COL5A2: variants seen among roughly 807,000 people sequenced by gnomAD.
COL5A2 encodes the protein collagen alpha-2(V) chain.
A neutral mutation model predicts 208.2 loss-of-function variants in COL5A2; 23 were observed. The observed-to-expected ratio is 0.11, with a 90% CI of 0.08 to 0.16. COL5A2 has a LOEUF of 0.16. Among genes scored for constraint, COL5A2 ranks in the 10% least tolerant of loss-of-function variants. The probability of loss-of-function intolerance (pLI) is 1.00; values close to 1 mark genes in which losing one functional copy is unlikely to be tolerated. For missense variants in COL5A2, 1,590 were observed against 1,956.4 expected (o/e 0.81, Z 3.53); for synonymous variants, 625 against 628.5 (o/e 0.99, Z 0.08).
chr2:189,107,808 A>G (rs565365802), intron 2 of COL5A2, among the ~76,000 whole-genome samples: 4 of 151,832 alleles, frequency 2.6e-5, no homozygotes, highest in Admixed American at 2.6e-4. Flanking sequence ...TTATGTTAAC[A>G]TTCTTTTACA....
chr2:189,053,463 T>C lies in COL5A2; in HGVS notation c.2514A>G (p.Glu838=), dbSNP rs1685834564. 1 of 1,613,768 alleles carries C rather than the reference T, an allele frequency of 6.2e-7. No homozygotes were observed. The highest frequency in any genetic ancestry group is 8.5e-7 in the Non-Finnish European group (1 of 1,179,830). ...AACCAACAGCTCCAGTTGGCCCATTTTCACCTCGAGAACCCTAGGAGGAGA... is the reference window on the plus strand; with the variant it reads ...AACCAACAGCTCCAGTTGGCCCATTCTCACCTCGAGAACCCTAGGAGGAGA... ...GSRGNPGSRG[E]NGPTGAVGFA... Residue 838 remains glutamate, a synonymous_variant, in exon 38 of 54, where the codon GAA becomes GAG. Coordinates refer to ENST00000374866, the MANE Select transcript of COL5A2 (RefSeq NM_000393.5).
chr2:189,045,702 A>C, intron 46 of COL5A2, 98 bp downstream of exon 46: 1 of 915,956 alleles, frequency 1.1e-6, no homozygotes, highest in Non-Finnish European at 1.8e-6. Context: ...TCCTTAACGA[A>C]GTGCACATGT....
intron 1 of COL5A2, among the ~76,000 whole-genome samples, chr2:189,195,476 T>C (rs1688988864): frequency 6.6e-6 from 1 of 152,112 alleles, no homozygotes; most frequent in Non-Finnish European, 1.5e-5. Context: ...TTAAACTTCA[T>C]ATGGAACCAA....
At chr2:189,337,182 T>C in the COL5A2 span, among the ~76,000 whole-genome samples, 2 of 150,394 alleles carry the variant, frequency 1.3e-5, no homozygotes, top group Admixed American at 1.3e-4. Flanking sequence ...ATCATTTTTT[T>C]TTTTCTTTTT....
chr2:189,248,839 T>C, the COL5A2 span, among the ~76,000 whole-genome samples: 6 of 152,166 alleles, frequency 3.9e-5, no homozygotes, highest in Middle Eastern at 3.4e-3. Context: ...CCATTTTGCA[T>C]ATGTTCATTT....
chr2:189,110,103 A>G, intron 2 of COL5A2, 122 bp downstream of exon 2: 1 of 784,552 alleles, frequency 1.3e-6, no homozygotes, highest in South Asian at 1.4e-5. Flanking sequence ...CATTAACCCC[A>G]AAAGCCACCA....
intron 6 of COL5A2, among the ~76,000 whole-genome samples, chr2:189,092,811 A>T (rs1304797972): frequency 6.6e-6 from 1 of 152,202 alleles, no homozygotes; most frequent in Admixed American, 6.5e-5. Context: ...GTGGATTGTC[A>T]TTGGATTACA....
chr2:189,058,234 G>C (rs893712826), intron 33 of COL5A2, among the ~76,000 whole-genome samples, 195 bp downstream of exon 33: 1 of 152,142 alleles, frequency 6.6e-6, no homozygotes, highest in Non-Finnish European at 1.5e-5. Context: ...TCAAAGAAGA[G>C]AGTCTTCTTT....
At chr2:189,203,503 A>G (rs964670320) in intron 1 of COL5A2, among the ~76,000 whole-genome samples, 3 of 152,244 alleles carry the variant, frequency 2.0e-5, no homozygotes, top group African/African-American at 7.2e-5. Flanking sequence ...CGGCAAGTTT[A>G]CAGAACAAAG....
At chr2:189,200,796 A>G (rs2105856606) in intron 1 of COL5A2, among the ~76,000 whole-genome samples, 1 of 151,978 alleles carries the variant, frequency 6.6e-6, no homozygotes, top group Middle Eastern at 3.4e-3. Context: ...ATTGCAAGAC[A>G]GAAGATCAAT....
intron 1 of COL5A2, among the ~76,000 whole-genome samples, chr2:189,122,222 G>A (rs1465475654): frequency 6.6e-6 from 1 of 152,160 alleles, no homozygotes; most frequent in Admixed American, 6.5e-5. Context: ...AAGATACGAG[G>A]TTTGAGAATT....
chr2:189,062,966 A>T (rs778760084), intron 28 of COL5A2, 44 bp downstream of exon 28: 2 of 1,613,736 alleles, frequency 1.2e-6, no homozygotes, highest in Non-Finnish European at 8.5e-7. Flanking sequence ...GATAATTTAA[A>T]TAGTACCTAC....
At chr2:189,340,633 C>G in the COL5A2 span, among the ~76,000 whole-genome samples, 1 of 152,212 alleles carries the variant, frequency 6.6e-6, no homozygotes, top group Admixed American at 6.5e-5. Context: ...TACTCAAAAT[C>G]TCACACATCC....
At chr2:189,285,563 T>C in the COL5A2 span, among the ~76,000 whole-genome samples, 5 of 151,998 alleles carry the variant, frequency 3.3e-5, no homozygotes, top group African/African-American at 1.2e-4. Context: ...TGAGATGAAA[T>C]AGCTGATTTC....
rs541837941 is a variant in COL5A2 at position 189,171,657 on chromosome 2, T to C, written c.97+7851A>G. 7.9e-5 allele frequency among the ~76,000 whole-genome samples: 12 copies of C among 152,320 alleles called. No homozygotes were observed. In the South Asian group the frequency reaches 2.1e-3, roughly 26 times the overall value. The stretch of plus-strand genomic sequence containing the variant: ...AAGTCTTGAAGGGAAGCCAATAAAT[T>C]AAGTTTTGGATACACTGAATTTCAT... On this transcript the variant is annotated intron_variant, in intron 1 of 53. Transcript: ENST00000374866.
the COL5A2 span, among the ~76,000 whole-genome samples, chr2:189,277,956 TTAC>T: frequency 7.5e-4 from 114 of 152,220 alleles, 1 homozygote; most frequent in Admixed American, 3.4e-3. Context: ...CCCAGAAATG[TTAC>T]CTTTACTATT....
intron 38 of COL5A2, 42 bp downstream of exon 38, chr2:189,053,382 A>T: frequency 6.7e-7 from 1 of 1,498,882 alleles, no homozygotes; most frequent in South Asian, 1.1e-5. Context: ...TTATAACAAG[A>T]TAAGTGTTTA....
chr2:189,104,180 A>T, intron 3 of COL5A2, 84 bp downstream of exon 3: 1 of 1,018,190 alleles, frequency 9.8e-7, no homozygotes, highest in African/African-American at 1.6e-5. Context: ...AAAAGCTTTC[A>T]AACGTTTCAG....
At chr2:189,426,495 C>T in the COL5A2 span, among the ~76,000 whole-genome samples, 1 of 152,166 alleles carries the variant, frequency 6.6e-6, no homozygotes, top group Non-Finnish European at 1.5e-5. Flanking sequence ...CAGACGGAAC[C>T]ACTGTTCATC....
Sources: allele counts gnomAD v4.1 joint callset (sites outside exome capture counted in the v4.1 genomes callset), GRCh38; gene constraint gnomAD v4.1.1; transcripts MANE v1.5; gene names NCBI Gene and HGNC (gene_info 2026-07-23, HGNC 2026-07-21).